C2orf80: variants seen among roughly 807,000 people sequenced by gnomAD.
The protein encoded by C2orf80 is uncharacterized protein C2orf80.
In C2orf80, 28 loss-of-function variants were observed where a neutral mutation model predicts 30.2. That is an observed-to-expected ratio of 0.93 (90% CI 0.69 to 1.27). The LOEUF (loss-of-function observed/expected upper bound fraction) is 1.27, where lower values mean the gene tolerates loss of function less well. Among genes scored for constraint, C2orf80 ranks in the 50% most tolerant of loss-of-function variants. The pLI is 0.00. For missense variants in C2orf80, 220 were observed against 231.0 expected (o/e 0.95, Z 0.31); for synonymous variants, 80 against 76.4 (o/e 1.05, Z -0.24).
chr2:208,188,802 C>T (rs549568496), intron 1 of C2orf80, among the ~76,000 whole-genome samples: 7 of 152,132 alleles, frequency 4.6e-5, no homozygotes, highest in African/African-American at 9.6e-5. Context: ...GGGGAGTGGA[C>T]GGGATGTGGA....
intron 8 of C2orf80, among the ~76,000 whole-genome samples, chr2:208,169,962 T>C (rs1212010500): frequency 6.6e-6 from 1 of 152,140 alleles, no homozygotes; most frequent in African/African-American, 2.4e-5. Flanking sequence ...AGAAGACAGT[T>C]TGCCTCTGAA....
chr2:208,182,564 C>G (rs374845339), intron 4 of C2orf80, among the ~76,000 whole-genome samples: 4 of 152,092 alleles, frequency 2.6e-5, no homozygotes, highest in African/African-American at 9.7e-5. Flanking sequence ...CCACGCTAGG[C>G]GAATTTTTGT....
At chr2:208,188,248 T>C (rs1468690951) in intron 1 of C2orf80, among the ~76,000 whole-genome samples, 1 of 152,140 alleles carries the variant, frequency 6.6e-6, no homozygotes, top group Non-Finnish European at 1.5e-5. Flanking sequence ...TACTACCCTT[T>C]GTACTTTTAA....
At chr2:208,175,274 G>T (rs1321561493) in intron 6 of C2orf80, among the ~76,000 whole-genome samples, 1 of 151,312 alleles carries the variant, frequency 6.6e-6, no homozygotes, top group Non-Finnish European at 1.5e-5. Flanking sequence ...AAGCCTGCGT[G>T]ACAGAGTGAG....
intron 7 of C2orf80, among the ~76,000 whole-genome samples, chr2:208,171,573 G>A (rs941510144): frequency 2.4e-4 from 36 of 152,078 alleles, no homozygotes; most frequent in African/African-American, 7.7e-4. Flanking sequence ...TGCCCGCCTC[G>A]GCCTCCCAAA....
intron 4 of C2orf80, 72 bp downstream of exon 4, chr2:208,182,893 G>T: frequency 8.3e-7 from 1 of 1,211,734 alleles, no homozygotes; most frequent in Non-Finnish European, 1.2e-6. Context: ...AAGATGTTAG[G>T]GCTGGAACTT....
At chr2:208,185,065 G>C (rs777543564) in intron 2 of C2orf80, 33 bp from the exon 3 acceptor site, 1 of 1,545,918 alleles carries the variant, frequency 6.5e-7, no homozygotes, top group Non-Finnish European at 8.9e-7. Flanking sequence ...TGAACCATTG[G>C]AGTGACACGG....
At chr2:208,176,020 G>A (rs996255111) in intron 6 of C2orf80, among the ~76,000 whole-genome samples, 2 of 152,224 alleles carry the variant, frequency 1.3e-5, no homozygotes, top group African/African-American at 2.4e-5. Flanking sequence ...TTCAAATTAC[G>A]CCCTCTGTGA....
At position 208,170,997 on chromosome 2, in the gene C2orf80, G is replaced by A; in HGVS notation, c.521C>T (p.Ala174Val). Residue 174 changes from alanine to valine, a missense_variant, in exon 8 of 9, where the codon GCC (alanine) becomes GTC (valine). Ala to Val is a moderately conservative substitution (Grantham distance 64). Coordinates refer to ENST00000341287, the MANE Select transcript of C2orf80 (RefSeq NM_001099334.3). ...ATSISAKEAN[A>V]TEWKSSQRFS... Reference sequence around the variant, plus strand: ...CCTTTGTGATGATTTCCATTCTGTGGCATTTGCTTCCTTTGCAGAGATGCT... The same window carrying A: ...CCTTTGTGATGATTTCCATTCTGTGACATTTGCTTCCTTTGCAGAGATGCT... 6.2e-7 allele frequency: 1 copy of A among 1,614,086 alleles called. No individual in the cohort carries two copies. Among genetic ancestry groups the A allele is most frequent in the Non-Finnish European group, 8.5e-7 (1 of 1,179,982 alleles).
chr2:208,189,738 T>A (rs1696820802), intron 1 of C2orf80: 2 of 563,434 alleles, frequency 3.5e-6, no homozygotes, highest in African/African-American at 3.8e-5. Context: ...AAAGAGGTAC[T>A]GGAAAGATGT....
chr2:208,177,717 T>C (rs1384675044), intron 6 of C2orf80, among the ~76,000 whole-genome samples: 3 of 152,210 alleles, frequency 2.0e-5, no homozygotes, highest in Non-Finnish European at 4.4e-5. Flanking sequence ...ACAAAGGCTC[T>C]TTAATGAATA....
At chr2:208,172,248 G>A (rs144077547) in intron 6 of C2orf80, among the ~76,000 whole-genome samples, 173 bp from the exon 7 acceptor site, 1 of 152,320 alleles carries the variant, frequency 6.6e-6, no homozygotes, top group African/African-American at 2.4e-5. Context: ...TGAAGTATAT[G>A]AACGTGAACT....
intron 3 of C2orf80, among the ~76,000 whole-genome samples, chr2:208,183,444 C>T (rs1212274491): frequency 2.6e-5 from 4 of 152,080 alleles, no homozygotes; most frequent in Non-Finnish European, 5.9e-5. Flanking sequence ...TTCTGGGCCT[C>T]AGTTTCCCTA....
chr2:208,173,732 T>C (rs764532955), intron 6 of C2orf80, among the ~76,000 whole-genome samples: 1 of 152,122 alleles, frequency 6.6e-6, no homozygotes, highest in African/African-American at 2.4e-5. Context: ...AAGTAAAAGA[T>C]AGTAATCAAC....
At chr2:208,181,364 TA>T in intron 4 of C2orf80, 59 bp from the exon 5 acceptor site, 1 of 1,139,074 alleles carries the variant, frequency 8.8e-7, no homozygotes. Context: ...TGATGCCTGC[TA>T]AGGTTGTGAT....
At chr2:208,187,448 C>T (rs1696751290) in intron 1 of C2orf80, among the ~76,000 whole-genome samples, 1 of 152,138 alleles carries the variant, frequency 6.6e-6, no homozygotes, top group Non-Finnish European at 1.5e-5. Context: ...TGAGTTCACC[C>T]TGGCTCAGTG....
At chr2:208,176,486 T>A (rs1371632628) in intron 6 of C2orf80, among the ~76,000 whole-genome samples, 1 of 152,220 alleles carries the variant, frequency 6.6e-6, no homozygotes, top group Admixed American at 6.5e-5. Flanking sequence ...GACATTTTTG[T>A]CACAACTGGC....
rs146627585 is a variant in C2orf80 at position 208,182,990 on chromosome 2, A to T, written c.181T>A (p.Leu61Ile). The T allele has an allele frequency of 6.2e-7, 1 of 1,614,082 alleles. No homozygotes were observed. Among genetic ancestry groups the T allele is most frequent in the Non-Finnish European group, 8.5e-7 (1 of 1,179,924 alleles). ...AGTTCCTCCCACTCCAGCCAAGTTA[A>T]GTCTTCTGAGGGATCCAGCCATTGC... ...ALQWLDPSED[L>I]TWLEWEELKI... Residue 61 changes from leucine (L) to isoleucine (I), a missense_variant, in exon 4 of 9, where the codon TTA (leucine) becomes ATA (isoleucine). By Grantham distance (5) the Leu-to-Ile change is conservative. Coordinates refer to ENST00000341287, the MANE Select transcript of C2orf80 (RefSeq NM_001099334.3).
At chr2:208,176,943 GTA>G (rs1340018568) in intron 6 of C2orf80, among the ~76,000 whole-genome samples, 4 of 87,652 alleles carry the variant, frequency 4.6e-5, no homozygotes, top group Non-Finnish European at 5.3e-5. Context: ...ATACATATCT[GTA>G]TACATATCTG....
Sources: gnomAD v4.1 joint callset for allele counts (sites outside exome capture counted in the v4.1 genomes callset) on GRCh38, gnomAD v4.1.1 for gene constraint, MANE v1.5 for transcripts, NCBI Gene and HGNC (gene_info 2026-07-23, HGNC 2026-07-21) for gene names.